Variants in ST6GALNAC3 observed in about 807,000 individuals in gnomAD.
ST6GALNAC3 encodes alpha-N-acetylgalactosaminide alpha-2,6-sialyltransferase 3.
In ST6GALNAC3, 25 loss-of-function variants were observed where a neutral mutation model predicts 32.7. The ratio of observed to expected loss-of-function variants is 0.76; its 90% CI spans 0.56 to 1.07. The LOEUF (loss-of-function observed/expected upper bound fraction) is 1.07. Ranked by LOEUF, ST6GALNAC3 falls within the 50% of genes least tolerant of loss-of-function variation. ST6GALNAC3 has a pLI of 0.00. For synonymous variants in ST6GALNAC3, 129 were observed against 133.1 expected, an observed-to-expected ratio of 0.97 and a Z score of 0.21; for missense variants, 355 against 382.4, an observed-to-expected ratio of 0.93 and a Z score of 0.60.
chr1:76,384,795 T>C (rs990068558), intron 2 of ST6GALNAC3, among the ~76,000 whole-genome samples: 6 of 152,070 alleles, frequency 3.9e-5, no homozygotes, highest in South Asian at 4.1e-4. Flanking sequence ...CTCACATTCA[T>C]GGGTACATTT....
At chr1:76,262,325 C>T (rs1658286161) in intron 1 of ST6GALNAC3, among the ~76,000 whole-genome samples, 2 of 152,170 alleles carry the variant, frequency 1.3e-5, no homozygotes, top group African/African-American at 4.8e-5. Context: ...GACACCAGTG[C>T]CACTGTGCTA....
intron 1 of ST6GALNAC3, among the ~76,000 whole-genome samples, chr1:76,087,878 A>G (rs1243458134): frequency 1.3e-5 from 2 of 152,240 alleles, no homozygotes; most frequent in Non-Finnish European, 2.9e-5. Flanking sequence ...ACTATATGAT[A>G]GGCACTGTAT....
chr1:76,262,617 A>C (rs899295611), intron 1 of ST6GALNAC3, among the ~76,000 whole-genome samples: 10 of 152,170 alleles, frequency 6.6e-5, no homozygotes, highest in African/African-American at 1.4e-4. Context: ...GAATGGAGGA[A>C]AGCAGCTAAG....
chr1:76,529,608 G>A (rs1663126940), intron 3 of ST6GALNAC3, among the ~76,000 whole-genome samples: 1 of 152,164 alleles, frequency 6.6e-6, no homozygotes, highest in African/African-American at 2.4e-5. Context: ...TACCAGTCAT[G>A]TAGGCCTTAA....
At chr1:76,153,029 C>T (rs1468566033) in intron 1 of ST6GALNAC3, among the ~76,000 whole-genome samples, 5 of 152,130 alleles carry the variant, frequency 3.3e-5, no homozygotes, top group Non-Finnish European at 5.9e-5. Context: ...AAGATATGCA[C>T]GTTTTGAAGA....
chr1:76,603,951 G>C (rs1161693659), intron 3 of ST6GALNAC3, among the ~76,000 whole-genome samples: 1 of 152,140 alleles, frequency 6.6e-6, no homozygotes, highest in African/African-American at 2.4e-5. Context: ...AAAGGGGAAT[G>C]AAAAGCCAAG....
chr1:76,184,609 C>T (rs958132925), intron 1 of ST6GALNAC3, among the ~76,000 whole-genome samples: 15 of 151,128 alleles, frequency 9.9e-5, no homozygotes, highest in Non-Finnish European at 1.5e-4. Context: ...AGAGTTTGCC[C>T]GGGACTAAAA....
intron 3 of ST6GALNAC3, among the ~76,000 whole-genome samples, chr1:76,514,348 T>G (rs1358682243): frequency 2.0e-5 from 3 of 152,164 alleles, no homozygotes; most frequent in Non-Finnish European, 4.4e-5. Context: ...TCCTCTTACT[T>G]TTTGTTAATG....
intron 1 of ST6GALNAC3, among the ~76,000 whole-genome samples, chr1:76,233,677 C>A (rs1439226649): frequency 6.6e-6 from 1 of 152,168 alleles, no homozygotes; most frequent in African/African-American, 2.4e-5. Flanking sequence ...TACAGTATAT[C>A]ATTTACTCTT....
At chr1:76,133,154 T>C (rs947399015) in intron 1 of ST6GALNAC3, among the ~76,000 whole-genome samples, 2 of 152,158 alleles carry the variant, frequency 1.3e-5, no homozygotes, top group African/African-American at 4.8e-5. Context: ...CCCTCATCCA[T>C]CAGGCACACC....
chr1:76,405,587 ATGTG>A lies in ST6GALNAC3; in HGVS notation c.214-6405_214-6402del, dbSNP rs749170623. Among the ~76,000 whole-genome samples the A allele has an allele frequency of 1.4e-4, 19 of 136,302 alleles. No individual in the cohort carries two copies. The East Asian group carries it at 1.6e-3, about 11-fold the overall frequency. 89.4% of individuals were successfully genotyped at this position (136,302 alleles called of 152,430 possible). On this transcript the variant is annotated intron_variant, in intron 2 of 4. Coordinates refer to ENST00000328299, the MANE Select transcript of ST6GALNAC3 (RefSeq NM_152996.4). ...CACATCAGCTAAGTGAAGGTAACAG[ATGTG>A]TGTGTGTGTGTGTGTATTTGTGTGT...
At chr1:76,581,631 G>A (rs1230433661) in intron 3 of ST6GALNAC3, among the ~76,000 whole-genome samples, 1 of 152,018 alleles carries the variant, frequency 6.6e-6, no homozygotes, top group African/African-American at 2.4e-5. Context: ...CAGCAAATTA[G>A]GTTGAACCAT....
In ST6GALNAC3 at chr1:76,468,546, T is replaced by A. The variant is rs78343026; in HGVS notation, c.623+56129T>A. Among the ~76,000 whole-genome samples the A allele has an allele frequency of 7.8e-4, 118 of 152,160 alleles. 1 individual carries two copies. In the East Asian group the frequency reaches 0.017, roughly 22 times the overall value. ...TATGGCAGCCCTGAAGTTAATTAAA[T>A]AATGCAAATGCTCAAGGCGGCCTTC... On this transcript the variant is annotated intron_variant, in intron 3 of 4. Transcript: ENST00000328299.
At chr1:76,112,763 C>T (rs1265205986) in intron 1 of ST6GALNAC3, among the ~76,000 whole-genome samples, 3 of 151,158 alleles carry the variant, frequency 2.0e-5, no homozygotes, top group Non-Finnish European at 4.4e-5. Flanking sequence ...GAGGCGCTCC[C>T]CACATCTCAG....
chr1:76,578,293 A>C (rs1352290888), intron 3 of ST6GALNAC3, among the ~76,000 whole-genome samples: 3 of 152,048 alleles, frequency 2.0e-5, no homozygotes, highest in Non-Finnish European at 4.4e-5. Flanking sequence ...AGAGGCCTAT[A>C]AGGACTTCTA....
At chr1:76,507,661 AT>A (rs1661563631) in intron 3 of ST6GALNAC3, among the ~76,000 whole-genome samples, 1 of 152,214 alleles carries the variant, frequency 6.6e-6, no homozygotes, top group Non-Finnish European at 1.5e-5. Flanking sequence ...ACCACAGTTC[AT>A]TTATCCACTC....
At chr1:76,549,826 A>C (rs1010711513) in intron 3 of ST6GALNAC3, among the ~76,000 whole-genome samples, 1 of 152,184 alleles carries the variant, frequency 6.6e-6, no homozygotes, top group Non-Finnish European at 1.5e-5. Context: ...GGATGAGAGA[A>C]GCTGTTTCAG....
At chr1:76,487,057 A>C (rs1306048834) in intron 3 of ST6GALNAC3, among the ~76,000 whole-genome samples, 1 of 151,930 alleles carries the variant, frequency 6.6e-6, no homozygotes, top group Non-Finnish European at 1.5e-5. Context: ...ATTGGCCCCT[A>C]CTCTCTTCTG....
chr1:76,429,047 T>C (rs1260553790), intron 3 of ST6GALNAC3, among the ~76,000 whole-genome samples: 2 of 152,166 alleles, frequency 1.3e-5, no homozygotes, highest in African/African-American at 2.4e-5. Flanking sequence ...GATTGTGTCA[T>C]GTTTTAGTTA....
Sources: allele counts gnomAD v4.1 joint callset (sites outside exome capture counted in the v4.1 genomes callset), GRCh38; gene constraint gnomAD v4.1.1; transcripts MANE v1.5; gene names NCBI Gene and HGNC (gene_info 2026-07-23, HGNC 2026-07-21).